The following HENMT1 variants were observed in gnomAD, a reference collection of about 807,000 sequenced individuals.
HENMT1 encodes the protein small RNA 2'-O-methyltransferase.
In HENMT1, 27 loss-of-function variants were observed where a neutral mutation model predicts 31.1. That is an observed-to-expected ratio of 0.87 (90% CI 0.64 to 1.20). HENMT1 has a LOEUF of 1.20. HENMT1 is among the 50% of genes most tolerant of loss of function. The pLI is 0.00. For synonymous variants in HENMT1, 167 were observed against 172.2 expected, an observed-to-expected ratio of 0.97 and a Z score of 0.24; for missense variants, 438 against 469.6, an observed-to-expected ratio of 0.93 and a Z score of 0.62.
chr1:108,657,660 CT>C, intron 2 of HENMT1, 81 bp from the exon 3 acceptor site: 1 of 1,204,152 alleles, frequency 8.3e-7, no homozygotes, highest in South Asian at 1.4e-5. Flanking sequence ...AAAAAAAAAA[CT>C]TTATTTCCCC....
At chr1:108,658,100 TACACAC>T (rs200486603) in intron 2 of HENMT1, among the ~76,000 whole-genome samples, 2 of 123,856 alleles carry the variant, frequency 1.6e-5, no homozygotes, top group Non-Finnish European at 3.8e-5. Flanking sequence ...CACACATATA[TACACAC>T]ACACACACAC....
chr1:108,655,827 G>T, intron 3 of HENMT1, 129 bp from the exon 4 acceptor site: 31 of 369,312 alleles, frequency 8.4e-5, no homozygotes, highest in East Asian at 1.0e-4. Context: ...TATATGGAAG[G>T]ATCTTTTTGG....
At chr1:108,655,533 T>C in intron 4 of HENMT1, 53 bp downstream of exon 4, 1 of 1,043,736 alleles carries the variant, frequency 9.6e-7, no homozygotes, top group East Asian at 2.6e-5. Context: ...CTAAACTCAA[T>C]AATGCCATTA....
intron 2 of HENMT1, among the ~76,000 whole-genome samples, chr1:108,658,143 T>TTTC (rs1553183834): frequency 0.02 from 2,944 of 148,112 alleles, 117 homozygotes; most frequent in African/African-American, 0.069. Context: ...ATTTTTTTTT[T>TTTC]CCCCCCAAGA....
At chr1:108,652,014 G>A (rs1039031710) in intron 5 of HENMT1, among the ~76,000 whole-genome samples, 1 of 152,194 alleles carries the variant, frequency 6.6e-6, no homozygotes, top group Admixed American at 6.5e-5. Context: ...CTCAGATACA[G>A]CGACATTCTA....
At chr1:108,655,518 T>C in intron 4 of HENMT1, 68 bp downstream of exon 4, 1 of 888,484 alleles carries the variant, frequency 1.1e-6, no homozygotes, top group Non-Finnish European at 1.7e-6. Context: ...AAATCAACAC[T>C]TTCTCTAAAC....
chr1:108,661,005 C>A lies in HENMT1; in HGVS notation c.-121G>T. 3 of 985,312 alleles carry A rather than the reference C, an allele frequency of 3.0e-6. No homozygotes were observed. Among genetic ancestry groups the A allele is most frequent in the South Asian group, 9.4e-5 (2 of 21,286 alleles). 61.0% of individuals were successfully genotyped at this position (985,312 alleles called of 1,614,324 possible). ...TCTTTGTACGGGCCGTCGCTTCCAT[C>A]ATCCTGCGGTAAGCAGCATGCCCAA... On this transcript the variant is annotated 5_prime_UTR_variant, in exon 1 of 8. The change abolishes an upstream ATG in the 5' untranslated region. Coordinates refer to ENST00000651461, the MANE Select transcript of HENMT1 (RefSeq NM_001102592.2).
rs753024196 is a variant in HENMT1 at position 108,657,579 on chromosome 1, A to G, written c.22T>C (p.Cys8Arg). 6.2e-7 allele frequency: 1 copy of G among 1,611,488 alleles called. No individual in the cohort carries two copies. Among genetic ancestry groups the G allele is most frequent in the Non-Finnish European group, 8.5e-7 (1 of 1,179,408 alleles). MEENNLQCSSVVDGNFEE... is the reference protein window; with the variant it reads MEENNLQRSSVVDGNFEE... ...AAATTACCGTCAACCACACTACTGC[A>G]CTGAAGTTCACAAACAAAAAAAGAC... The change falls in exon 3 of 8, where the codon TGC becomes CGC. Residue 8 changes from cysteine (C) to arginine (R), a missense_variant and splice_region_variant. By Grantham distance (180) the Cys-to-Arg change is radical. Coordinates refer to ENST00000651461, the MANE Select transcript of HENMT1 (RefSeq NM_001102592.2).
intron 5 of HENMT1, among the ~76,000 whole-genome samples, chr1:108,652,904 A>G (rs1658101620): frequency 6.6e-6 from 1 of 150,562 alleles, no homozygotes. Context: ...AGATCGCGCC[A>G]TTGCACTCCA....
At chr1:108,657,992 TAC>T (rs139124191) in intron 2 of HENMT1, among the ~76,000 whole-genome samples, 33,063 of 145,806 alleles carry the variant, frequency 0.23, 4,381 homozygotes, top group Non-Finnish European at 0.31. Context: ...CACATATATA[TAC>T]ACACACACAC....
chr1:108,650,428 T>C, intron 6 of HENMT1, 40 bp from the exon 7 acceptor site: 2 of 1,563,328 alleles, frequency 1.3e-6, no homozygotes, highest in Non-Finnish European at 1.7e-6. Flanking sequence ...TTTCTAAATG[T>C]AGAGCTACTG....
intron 3 of HENMT1, 96 bp from the exon 4 acceptor site, chr1:108,655,794 C>A: frequency 1.8e-6 from 1 of 551,022 alleles, no homozygotes; most frequent in Non-Finnish European, 3.2e-6. Flanking sequence ...GAGTATATAT[C>A]AGTAATAAAA....
intron 4 of HENMT1, 142 bp downstream of exon 4, chr1:108,655,444 G>T: frequency 2.0e-6 from 1 of 511,092 alleles, no homozygotes; most frequent in Non-Finnish European, 3.5e-6. Context: ...TAGTGTTATG[G>T]CAAAGCCTGA....
At chr1:108,650,908 G>T in intron 6 of HENMT1, 122 bp downstream of exon 6, 1 of 694,366 alleles carries the variant, frequency 1.4e-6, no homozygotes, top group Non-Finnish European at 2.4e-6. Context: ...TCACACATTG[G>T]AATCAATTTT....
Position 108,654,732 on chromosome 1 carries a change from T to C in HENMT1, c.382A>G (p.Ile128Val), listed in dbSNP as rs764115963. Residue 128 changes from isoleucine to valine, a missense_variant, in exon 5 of 8, where the codon ATA (isoleucine) becomes GTA (valine). Transcript: ENST00000651461. ...AAAACTTACAATTCAATACACGTTA[T>C]CAAGTCAAATCCAAGCAAACGAGAG... The part of the protein sequence containing the change: ...RDSRLLGFDL[I>V]TCIELIEHLD... The C allele has an allele frequency of 5.6e-6, 9 of 1,614,110 alleles. No homozygotes were observed. Among genetic ancestry groups the C allele is most frequent in the Admixed American group, 5.0e-5 (3 of 60,024 alleles).
intron 2 of HENMT1, 62 bp from the exon 3 acceptor site, chr1:108,657,641 AG>A: frequency 6.8e-7 from 1 of 1,481,342 alleles, no homozygotes; most frequent in Non-Finnish European, 9.2e-7. Flanking sequence ...AAATTAAATA[AG>A]GGGCAAAAAA....
rs1658456180 is a variant in HENMT1 at position 108,661,079 on chromosome 1, G to GCCGCCCTGA, written c.-204_-196dup. ...GAGCCGCCAGCGTCCTCAACTCAGC[G>GCCGCCCTGA]CCGCCCTGACGCCCGCGCACGCACG... is the stretch of plus-strand genomic sequence containing the variant. On this transcript the variant is annotated 5_prime_UTR_variant, in exon 1 of 8. Coordinates refer to ENST00000651461, the MANE Select transcript of HENMT1 (RefSeq NM_001102592.2). 1.2e-6 allele frequency: 1 copy of GCCGCCCTGA among 849,338 alleles called. No homozygotes were observed. 52.6% of individuals were successfully genotyped at this position (849,338 alleles called of 1,614,324 possible). A position where few individuals can be genotyped will look rare whatever the true frequency, so the allele number is the denominator to read the frequency against.
chr1:108,655,600 T>C lies in HENMT1; in HGVS notation c.249A>G (p.Lys83=). 1 of 1,598,012 alleles carries C rather than the reference T, an allele frequency of 6.3e-7. No homozygotes were observed. Among genetic ancestry groups the C allele is most frequent in the Non-Finnish European group, 8.6e-7 (1 of 1,167,810 alleles). The change falls in exon 4 of 8, where the codon AAA becomes AAG. Residue 83 remains lysine (K), a synonymous_variant. Coordinates refer to ENST00000651461, the MANE Select transcript of HENMT1 (RefSeq NM_001102592.2). Reference sequence around the variant, plus strand: ...CTAAGTATTACCCTCTCCATCGTAATTTATCCTCATTAATATCTACTCCAA... The same window carrying C: ...CTAAGTATTACCCTCTCCATCGTAACTTATCCTCATTAATATCTACTCCAA... ...LLVGVDINED[K]LRWRGDSLAP...
intron 1 of HENMT1, among the ~76,000 whole-genome samples, 155 bp from the exon 2 acceptor site, chr1:108,660,117 T>A: frequency 1.5e-5 from 1 of 68,814 alleles, no homozygotes; most frequent in African/African-American, 5.5e-5. Context: ...CACCTCTGAG[T>A]ACTCAAAAAA....
Sources: allele counts gnomAD v4.1 joint callset (sites outside exome capture counted in the v4.1 genomes callset), GRCh38; gene constraint gnomAD v4.1.1; transcripts MANE v1.5; gene names NCBI Gene and HGNC (gene_info 2026-07-23, HGNC 2026-07-21).